Variants in GTF2E2 observed in about 807,000 individuals in gnomAD.
GTF2E2 encodes general transcription factor IIE subunit 2, also known as transcription initiation factor IIE subunit beta.
A neutral mutation model predicts 40.5 loss-of-function variants in GTF2E2; 21 were observed. The observed-to-expected ratio is 0.52, with a 90% CI of 0.37 to 0.75. GTF2E2 has a LOEUF of 0.75. Ranked by LOEUF, GTF2E2 falls within the 30% of genes least tolerant of loss-of-function variation. GTF2E2 has a pLI of 0.00. For synonymous variants in GTF2E2, 117 were observed against 121.6 expected, an observed-to-expected ratio of 0.96 and a Z score of 0.25; for missense variants, 298 against 338.4, an observed-to-expected ratio of 0.88 and a Z score of 0.94.
Position 30,580,337 on chromosome 8 carries a change from C to G in GTF2E2, c.703G>C (p.Glu235Gln), listed in dbSNP as rs1828481336. ...VDSMDEEKIE[E>Q]YLKRQGISSM... ...GAAATACCCTGTCGCTTCAGATATT[C>G]TTCAATTTTCTCCTCGTCCATGGAA... Residue 235 changes from glutamate (E) to glutamine (Q), a missense_variant, in exon 7 of 8, where the codon GAA becomes CAA. Physicochemically the swap from Glu to Gln is conservative, Grantham distance 29. Transcript: ENST00000355904. The G allele has an allele frequency of 6.2e-7, 1 of 1,609,000 alleles. No individual in the cohort carries two copies. Among genetic ancestry groups the G allele is most frequent in the Admixed American group, 1.7e-5 (1 of 59,990 alleles).
At chr8:30,581,604 T>C (rs1828516249) in intron 6 of GTF2E2, among the ~76,000 whole-genome samples, 1 of 152,208 alleles carries the variant, frequency 6.6e-6, no homozygotes, top group Non-Finnish European at 1.5e-5. Context: ...GAGCATAAAG[T>C]TATTTAAATC....
At chr8:30,582,284 G>C (rs567263393) in intron 6 of GTF2E2, among the ~76,000 whole-genome samples, 1 of 152,136 alleles carries the variant, frequency 6.6e-6, no homozygotes, top group South Asian at 2.1e-4. Context: ...TTGGCCTCCC[G>C]AAGTGCTGGG....
chr8:30,610,493 G>GCAT (rs1332045927), intron 5 of GTF2E2, among the ~76,000 whole-genome samples: 2 of 150,456 alleles, frequency 1.3e-5, no homozygotes, highest in East Asian at 3.9e-4. Context: ...TGTAGTGCTG[G>GCAT]CATGAAGAAA....
At chr8:30,631,526 C>A (rs1307759255) in intron 3 of GTF2E2, among the ~76,000 whole-genome samples, 2 of 152,224 alleles carry the variant, frequency 1.3e-5, no homozygotes, top group East Asian at 3.9e-4. Context: ...GTGCATTACT[C>A]AATATGGTAG....
chr8:30,594,468 G>A (rs1828939963), intron 6 of GTF2E2, among the ~76,000 whole-genome samples: 2 of 151,298 alleles, frequency 1.3e-5, no homozygotes, highest in African/African-American at 4.9e-5. Flanking sequence ...ATGTTGGTCA[G>A]GCTGGTCTTG....
intron 7 of GTF2E2, among the ~76,000 whole-genome samples, chr8:30,579,949 C>A (rs1828464451): frequency 6.6e-6 from 1 of 152,172 alleles, no homozygotes; most frequent in Non-Finnish European, 1.5e-5. Flanking sequence ...TTGTGCAGAT[C>A]AAGGCACAGC....
At chr8:30,655,283 A>C (rs1802417547) in intron 1 of GTF2E2, among the ~76,000 whole-genome samples, 1 of 152,102 alleles carries the variant, frequency 6.6e-6, no homozygotes, top group Admixed American at 6.6e-5. Context: ...TTGTTTGTCT[A>C]GTTCTAAAAT....
chr8:30,652,907 T>C (rs1334418946), intron 2 of GTF2E2, among the ~76,000 whole-genome samples: 2 of 152,166 alleles, frequency 1.3e-5, no homozygotes, highest in Admixed American at 6.5e-5. Flanking sequence ...TACTGATGCA[T>C]ACTACATGGA....
intron 2 of GTF2E2, among the ~76,000 whole-genome samples, chr8:30,639,562 T>A (rs1801736607): frequency 6.6e-6 from 1 of 152,160 alleles, no homozygotes; most frequent in Non-Finnish European, 1.5e-5. Context: ...AACAAGATTA[T>A]CTTCGTGGCT....
At chr8:30,599,843 C>T (rs1170163452) in intron 6 of GTF2E2, among the ~76,000 whole-genome samples, 3 of 151,926 alleles carry the variant, frequency 2.0e-5, no homozygotes, top group African/African-American at 7.3e-5. Context: ...ATTAGCTGGG[C>T]GTGGTGGCAC....
intron 1 of GTF2E2, among the ~76,000 whole-genome samples, chr8:30,656,402 G>C (rs1384456187): frequency 6.6e-6 from 1 of 152,186 alleles, no homozygotes; most frequent in African/African-American, 2.4e-5. Flanking sequence ...AAGGAGAATT[G>C]TCAAGTGAGA....
At chr8:30,616,254 G>T (rs1800914938) in intron 3 of GTF2E2, among the ~76,000 whole-genome samples, 1 of 151,978 alleles carries the variant, frequency 6.6e-6, no homozygotes, top group Non-Finnish European at 1.5e-5. Context: ...TGGCCAACAT[G>T]GTGAAATCCC....
chr8:30,590,867 T>G (rs566727712), intron 6 of GTF2E2, among the ~76,000 whole-genome samples: 1 of 151,496 alleles, frequency 6.6e-6, no homozygotes, highest in African/African-American at 2.4e-5. Context: ...ATTTTTGTAT[T>G]TTTAGTAGAG....
rs531994458 is a variant in GTF2E2 at position 30,636,694 on chromosome 8, C to T, written c.167-1571G>A. ...CATCCTGGCCAACATGGTGAAACCC[C>T]GTCTCTACCAAAAATACAAAAATTA... On this transcript the variant is annotated intron_variant, in intron 2 of 7. Transcript: ENST00000355904. Among the ~76,000 whole-genome samples, 206 of 152,030 alleles carry T rather than the reference C, an allele frequency of 1.4e-3. 2 individuals are homozygous for T. The highest frequency in any genetic ancestry group is 0.012 in the South Asian group (60 of 4,810).
chr8:30,623,314 C>A (rs1349811890), intron 3 of GTF2E2, among the ~76,000 whole-genome samples: 2 of 151,976 alleles, frequency 1.3e-5, no homozygotes, highest in Admixed American at 1.3e-4. Context: ...TTCGTCCTTG[C>A]GATAGTTTGC....
chr8:30,633,887 C>A (rs1429361072), intron 3 of GTF2E2, among the ~76,000 whole-genome samples: 2 of 152,040 alleles, frequency 1.3e-5, no homozygotes, highest in African/African-American at 4.8e-5. Flanking sequence ...TATACTATAA[C>A]CCAAATACAA....
chr8:30,607,553 C>CTATA (rs1829355181), intron 5 of GTF2E2, among the ~76,000 whole-genome samples: 1 of 152,202 alleles, frequency 6.6e-6, no homozygotes, highest in South Asian at 2.1e-4. Context: ...AGTACAGGGA[C>CTATA]TATAGGTGTG....
intron 2 of GTF2E2, among the ~76,000 whole-genome samples, chr8:30,651,380 C>T (rs1802271258): frequency 6.6e-6 from 1 of 151,908 alleles, no homozygotes; most frequent in African/African-American, 2.4e-5. Context: ...AAAAAAAACT[C>T]TTGTTTCTAT....
Position 30,578,949 on chromosome 8 carries a change from T to A in GTF2E2, c.848A>T (p.Asp283Val). 1 of 1,593,272 alleles carries A rather than the reference T, an allele frequency of 6.3e-7. No homozygotes were observed. Residue 283 changes from aspartate to valine, a missense_variant, in exon 8 of 8, where the codon GAT becomes GTT. Asp to Val is a radical substitution (Grantham distance 152). Coordinates refer to ENST00000355904, the MANE Select transcript of GTF2E2 (RefSeq NM_002095.6). ...TTTGCTGGAAGTAATGTCAGAGTAATCCTTCAGCACTCCAGCCAAGTGTTC... is the reference window on the plus strand; with the variant it reads ...TTTGCTGGAAGTAATGTCAGAGTAAACCTTCAGCACTCCAGCCAAGTGTTC... ...HNEHLAGVLK[D>V]YSDITSSK is the part of the protein sequence containing the mutation.
Sources: allele counts gnomAD v4.1 joint callset (sites outside exome capture counted in the v4.1 genomes callset), GRCh38; gene constraint gnomAD v4.1.1; transcripts MANE v1.5; gene names NCBI Gene and HGNC (gene_info 2026-07-23, HGNC 2026-07-21).